CNBD1: variants seen among roughly 807,000 people sequenced by gnomAD.
CNBD1 encodes cyclic nucleotide binding domain containing 1.
In CNBD1, 71 loss-of-function variants were observed where a neutral mutation model predicts 54.4. The observed-to-expected ratio is 1.30, with a 90% CI of 1.08 to 1.59. The LOEUF is 1.59. Among genes scored for constraint, CNBD1 ranks in the 40% most tolerant of loss-of-function variants. The pLI is 0.00. For missense variants in CNBD1, 659 were observed against 518.0 expected, an observed-to-expected ratio of 1.27 and a Z score of -2.64; for synonymous variants, 182 against 170.7, an observed-to-expected ratio of 1.07 and a Z score of -0.51.
At chr8:86,993,810 A>G (rs1419784360) in intron 4 of CNBD1, among the ~76,000 whole-genome samples, 1 of 152,254 alleles carries the variant, frequency 6.6e-6, no homozygotes, top group Non-Finnish European at 1.5e-5. Flanking sequence ...ATTCAGCCAC[A>G]TGGCTCTTTT....
At chr8:87,266,028 A>T (rs1419916825) in intron 6 of CNBD1, among the ~76,000 whole-genome samples, 1 of 152,102 alleles carries the variant, frequency 6.6e-6, no homozygotes, top group Non-Finnish European at 1.5e-5. Flanking sequence ...AATATAGTAC[A>T]CTGTAAGCCA....
At chr8:86,938,483 C>T (rs1809590649) in intron 3 of CNBD1, among the ~76,000 whole-genome samples, 1 of 152,194 alleles carries the variant, frequency 6.6e-6, no homozygotes, top group African/African-American at 2.4e-5. Flanking sequence ...TTAATAGACT[C>T]ACAGTTCCAC....
At chr8:87,222,971 T>G (rs1293111855) in intron 5 of CNBD1, among the ~76,000 whole-genome samples, 1 of 151,930 alleles carries the variant, frequency 6.6e-6, no homozygotes, top group Non-Finnish European at 1.5e-5. Flanking sequence ...CCAACTTGAT[T>G]TTGATAAATT....
At position 87,373,483 on chromosome 8, in the gene CNBD1, A is replaced by G. The variant is rs925424063; in HGVS notation, c.1304-9137A>G. On this transcript the variant is annotated intron_variant, in intron 10 of 10. Transcript: ENST00000518476. ...ATAATTAGTTAAGTTTTAATTCTTA[A>G]CATTCACAGGTTTTGATTTTATACT... Among the ~76,000 whole-genome samples the G allele has an allele frequency of 5.9e-5, 9 of 151,844 alleles. 1 individual carries two copies. In the Admixed American group the frequency reaches 5.9e-4, roughly 10 times the overall value.
intron 6 of CNBD1, among the ~76,000 whole-genome samples, chr8:87,274,138 T>A (rs898549062): frequency 6.6e-6 from 1 of 152,046 alleles, no homozygotes; most frequent in Non-Finnish European, 1.5e-5. Flanking sequence ...CCATAGTGTA[T>A]ATGTGCCACA....
At chr8:87,423,303 C>T (rs1049219138) in intron 2 of CNBD1, among the ~76,000 whole-genome samples, 11 of 148,682 alleles carry the variant, frequency 7.4e-5, no homozygotes, top group African/African-American at 2.0e-4. Context: ...CCAGAACTTC[C>T]AACACTATGT....
chr8:86,918,712 A>C (rs1036395314), intron 3 of CNBD1, among the ~76,000 whole-genome samples: 3 of 151,898 alleles, frequency 2.0e-5, no homozygotes, highest in African/African-American at 7.3e-5. Context: ...GAGTCCATCA[A>C]ATCTCTTTTT....
chr8:87,160,145 A>G (rs1422155222), intron 4 of CNBD1, among the ~76,000 whole-genome samples: 2 of 151,962 alleles, frequency 1.3e-5, no homozygotes, highest in Non-Finnish European at 2.9e-5. Flanking sequence ...AGTGCTTTTC[A>G]CTGTAAGTTA....
At chr8:87,273,616 C>T (rs6468736) in intron 6 of CNBD1, among the ~76,000 whole-genome samples, 42,715 of 151,772 alleles carry the variant, frequency 0.28, 6,458 homozygotes, top group African/African-American at 0.39. Context: ...ACACTTATCC[C>T]AGTAACTTGT....
chr8:87,372,811 G>C (rs2130950298), intron 10 of CNBD1, among the ~76,000 whole-genome samples: 1 of 151,806 alleles, frequency 6.6e-6, no homozygotes, highest in East Asian at 1.9e-4. Flanking sequence ...ATTTATTTCT[G>C]TATGTAAACT....
chr8:86,999,084 T>A (rs1586189414), intron 4 of CNBD1, among the ~76,000 whole-genome samples: 1 of 152,362 alleles, frequency 6.6e-6, no homozygotes, highest in South Asian at 2.1e-4. Context: ...ATCATCAACT[T>A]TCTGAACATT....
intron 2 of CNBD1, among the ~76,000 whole-genome samples, chr8:87,423,640 T>A (rs1308033086): frequency 6.8e-6 from 1 of 147,250 alleles, no homozygotes; most frequent in Non-Finnish European, 1.5e-5. Context: ...TTGATCATGG[T>A]GGATAAGCTT....
In CNBD1 at chr8:86,923,829, A is replaced by C. The variant is rs1256993588; in HGVS notation, c.273-15767A>C. Among the ~76,000 whole-genome samples, 7 of 152,316 alleles carry C rather than the reference A, an allele frequency of 4.6e-5. No individual in the cohort carries two copies. In the East Asian group the frequency reaches 1.4e-3, roughly 29 times the overall value. The stretch of plus-strand genomic sequence containing the variant: ...AAGAGAGCATTTAAAGAAGAATCAT[A>C]GAAGGACAGGTGACATCAGAACAGA... On this transcript the variant is annotated intron_variant, in intron 3 of 10. Coordinates refer to ENST00000518476, the MANE Select transcript of CNBD1 (RefSeq NM_173538.3).
chr8:87,353,853 T>G (rs1810360803), intron 10 of CNBD1, 67 bp downstream of exon 10: 4 of 1,276,306 alleles, frequency 3.1e-6, no homozygotes, highest in East Asian at 5.0e-5. Context: ...TTTTTTAAAT[T>G]TTTTTCCTTA....
intron 4 of CNBD1, among the ~76,000 whole-genome samples, chr8:87,135,332 C>T (rs1812206238): frequency 6.6e-6 from 1 of 151,080 alleles, no homozygotes; most frequent in African/African-American, 2.4e-5. Context: ...AAATATATAC[C>T]ACTGATGTTC....
At chr8:87,194,313 A>G (rs1267586948) in intron 4 of CNBD1, among the ~76,000 whole-genome samples, 2 of 152,242 alleles carry the variant, frequency 1.3e-5, no homozygotes, top group Non-Finnish European at 2.9e-5. Flanking sequence ...TAAGGGGAAC[A>G]ATGTTTAAGA....
intron 4 of CNBD1, among the ~76,000 whole-genome samples, chr8:87,036,983 C>T (rs545021372): frequency 1.2e-4 from 18 of 152,276 alleles, no homozygotes; most frequent in South Asian, 6.2e-4. Context: ...CTCTTCTTCT[C>T]GCTTCATTTA....
At chr8:87,395,624 C>T (rs1381881193) in intron 2 of CNBD1, among the ~76,000 whole-genome samples, 1 of 151,858 alleles carries the variant, frequency 6.6e-6, no homozygotes, top group Non-Finnish European at 1.5e-5. Context: ...ATCATTCTCT[C>T]TAAAAGCAGT....
At chr8:87,403,026 T>A (rs1276477400) in intron 2 of CNBD1, among the ~76,000 whole-genome samples, 2 of 152,076 alleles carry the variant, frequency 1.3e-5, no homozygotes, top group African/African-American at 4.8e-5. Context: ...GAATTCAAAT[T>A]GACTAGCTAA....
Sources: allele counts gnomAD v4.1 joint callset (sites outside exome capture counted in the v4.1 genomes callset), GRCh38; gene constraint gnomAD v4.1.1; transcripts MANE v1.5; gene names NCBI Gene and HGNC (gene_info 2026-07-23, HGNC 2026-07-21).